The following SLC3A1 variants were observed in gnomAD, a reference collection of about 807,000 sequenced individuals.
SLC3A1 encodes the protein solute carrier family 3 member 1, also known as amino acid transporter heavy chain SLC3A1.
In SLC3A1, 78 loss-of-function variants were observed where a neutral mutation model predicts 60.3. That is an observed-to-expected ratio of 1.29 (90% CI 1.08 to 1.56). The LOEUF is 1.56. Ranked by LOEUF, SLC3A1 falls within the 40% of genes most tolerant of loss-of-function variation. SLC3A1 has a pLI of 0.00. For missense variants in SLC3A1, 1,172 were observed against 858.9 expected (o/e 1.36, Z -4.56); for synonymous variants, 392 against 307.9 (o/e 1.27, Z -2.86).
chr2:44,279,454 G>A (rs1165632884), intron 1 of SLC3A1, among the ~76,000 whole-genome samples: 1 of 152,004 alleles, frequency 6.6e-6, no homozygotes, highest in African/African-American at 2.4e-5. Flanking sequence ...TGCCCCTGGG[G>A]GTCAAGGGCC....
chr2:44,312,845 C>A, intron 8 of SLC3A1, 92 bp downstream of exon 8: 1 of 977,176 alleles, frequency 1.0e-6, no homozygotes, highest in Non-Finnish European at 1.6e-6. Flanking sequence ...TACTATCTCT[C>A]TATTGCATTG....
intron 4 of SLC3A1, among the ~76,000 whole-genome samples, chr2:44,293,520 G>A (rs974961085): frequency 1.3e-5 from 2 of 151,192 alleles, no homozygotes; most frequent in Non-Finnish European, 3.0e-5. Flanking sequence ...CCGTTTTAGG[G>A]GGGAAAAAAA....
At chr2:44,284,920 A>T (rs978289754) in intron 3 of SLC3A1, among the ~76,000 whole-genome samples, 3 of 152,148 alleles carry the variant, frequency 2.0e-5, no homozygotes, top group African/African-American at 4.8e-5. Context: ...TTAATTACTA[A>T]TGATGATGTG....
At chr2:44,276,034 G>C in intron 1 of SLC3A1, 69 bp downstream of exon 1, 1 of 1,426,554 alleles carries the variant, frequency 7.0e-7, no homozygotes, top group South Asian at 1.2e-5. Context: ...TTGTTCTTCA[G>C]AACCAAATTA....
In SLC3A1 at chr2:44,308,727, G is replaced by A. The variant is rs555941156; in HGVS notation, c.1333-3859G>A. Among the ~76,000 whole-genome samples the A allele has an allele frequency of 2.0e-3, 308 of 151,276 alleles. 1 individual carries two copies. Among genetic ancestry groups the A allele is most frequent in the African/African-American group, 7.2e-3 (299 of 41,374 alleles). On this transcript the variant is annotated intron_variant, in intron 7 of 9. Transcript: ENST00000260649. ...TTCTAATAGTTTATTGTGAATTCCT[G>A]AAGAATTTTTTTTTTTTTAATTTGA...
chr2:44,314,709 C>G (rs945023975), intron 9 of SLC3A1: 4 of 152,678 alleles, frequency 2.6e-5, no homozygotes, highest in Non-Finnish European at 5.8e-5. Flanking sequence ...CTCCCTGCTA[C>G]AAGCACCACT....
chr2:44,275,948 G>T lies in SLC3A1; in HGVS notation c.413G>T (p.Gly138Val). ...PRSFKDSNKD[G>V]NGDLKGIQDK... ...TCTTTCAAGGACAGTAACAAGGATG[G>T]GAACGGAGATCTGAAAGGTACATGC... Residue 138 changes from glycine (G) to valine (V), a missense_variant, in exon 1 of 10, where the codon GGG becomes GTG. By Grantham distance (109) the Gly-to-Val change is moderately radical. Coordinates refer to ENST00000260649, the MANE Select transcript of SLC3A1 (RefSeq NM_000341.4). The T allele has an allele frequency of 1.9e-6, 3 of 1,614,162 alleles. No homozygotes were observed. Among genetic ancestry groups the T allele is most frequent in the Middle Eastern group, 1.6e-4 (1 of 6,062 alleles).
Position 44,312,279 on chromosome 2 carries a change from T to G in SLC3A1, c.1333-307T>G, listed in dbSNP as rs148777306. Among the ~76,000 whole-genome samples, 880 of 152,306 alleles carry G rather than the reference T, an allele frequency of 5.8e-3. 7 individuals carry two copies. The highest frequency in any genetic ancestry group is 7.0e-3 in the Non-Finnish European group (475 of 68,020). On this transcript the variant is annotated intron_variant, in intron 7 of 9. Transcript: ENST00000260649. ...CTTGTCTTGCTCTCTGCCACAGTTTTGCTTCCTTTCCTGTCAATATTCTCT... is the reference window on the plus strand; with the variant it reads ...CTTGTCTTGCTCTCTGCCACAGTTTGGCTTCCTTTCCTGTCAATATTCTCT...
intron 7 of SLC3A1, among the ~76,000 whole-genome samples, chr2:44,305,223 C>G (rs1411966664): frequency 6.6e-6 from 1 of 152,094 alleles, no homozygotes; most frequent in Non-Finnish European, 1.5e-5. Flanking sequence ...CCAGTATTCT[C>G]ACTTCCACAC....
At chr2:44,311,320 A>G (rs1672290248) in intron 7 of SLC3A1, among the ~76,000 whole-genome samples, 1 of 152,144 alleles carries the variant, frequency 6.6e-6, no homozygotes, top group Non-Finnish European at 1.5e-5. Flanking sequence ...TTTTCTTTGA[A>G]TATCAAAATA....
chr2:44,309,550 A>T (rs548640979), intron 7 of SLC3A1, among the ~76,000 whole-genome samples: 9 of 152,216 alleles, frequency 5.9e-5, no homozygotes, highest in Admixed American at 1.3e-4. Context: ...CCAGATTTCA[A>T]TTCTTTTGGA....
intron 3 of SLC3A1, among the ~76,000 whole-genome samples, chr2:44,282,242 A>T (rs929895204): frequency 2.6e-5 from 4 of 151,604 alleles, no homozygotes; most frequent in Middle Eastern, 3.2e-3. Flanking sequence ...CCAATTATCT[A>T]TTTTCTTTTT....
intron 4 of SLC3A1, among the ~76,000 whole-genome samples, chr2:44,293,881 G>A (rs1379735646): frequency 6.6e-6 from 1 of 152,142 alleles, no homozygotes; most frequent in Non-Finnish European, 1.5e-5. Flanking sequence ...TGGTAAAGGG[G>A]GAACAATAAT....
chr2:44,292,188 T>C lies in SLC3A1; in HGVS notation c.891+6031T>C, dbSNP rs978643619. Among the ~76,000 whole-genome samples, 9 of 151,984 alleles carry C rather than the reference T, an allele frequency of 5.9e-5. 1 individual carries two copies. In the South Asian group the frequency reaches 1.0e-3, roughly 17 times the overall value. ...TTGGAGTGATCCTACACCTGCCATA[T>C]GGGAATGCTGAGCCCCAGGGTAGGG... On this transcript the variant is annotated intron_variant, in intron 4 of 9. Coordinates refer to ENST00000260649, the MANE Select transcript of SLC3A1 (RefSeq NM_000341.4).
In SLC3A1 at chr2:44,304,250, T is replaced by C. The variant is rs1672094416; in HGVS notation, c.1244T>C (p.Met415Thr). The C allele has an allele frequency of 1.2e-6, 2 of 1,614,138 alleles. No individual in the cohort carries two copies. The highest frequency in any genetic ancestry group is 1.3e-5 in the African/African-American group (1 of 75,070). Residue 415 changes from methionine (M) to threonine (T), a missense_variant, in exon 7 of 10, where the codon ATG (methionine) becomes ACG (threonine). Physicochemically the swap from Met to Thr is moderately conservative, Grantham distance 81. Coordinates refer to ENST00000260649, the MANE Select transcript of SLC3A1 (RefSeq NM_000341.4). ...ADFPFNNYLS[M>T]LDTVSGNSVY... ...TTTCCCTTCAACAATTACCTCAGCA[T>C]GCTAGACACTGTTTCTGGGAACAGC... is the stretch of plus-strand genomic sequence containing the variant.
intron 7 of SLC3A1, among the ~76,000 whole-genome samples, chr2:44,309,019 ACTGTGCCTGGC>A (rs1228662813): frequency 1.3e-5 from 2 of 152,214 alleles, no homozygotes; most frequent in Non-Finnish European, 2.9e-5. Flanking sequence ...GGCGTGAGCT[ACTGTGCCTGGC>A]CTTCTGAGGA....
chr2:44,289,897 C>T (rs182990132), intron 4 of SLC3A1, among the ~76,000 whole-genome samples: 5 of 152,182 alleles, frequency 3.3e-5, no homozygotes, highest in African/African-American at 1.2e-4. Context: ...TCCCAAAGTG[C>T]AGGGATTACA....
intron 4 of SLC3A1, among the ~76,000 whole-genome samples, chr2:44,287,040 C>T (rs974283221): frequency 6.6e-6 from 1 of 152,138 alleles, no homozygotes; most frequent in Non-Finnish European, 1.5e-5. Flanking sequence ...ATGCACGACA[C>T]TTCTGTACTC....
In SLC3A1 at chr2:44,275,906, A is replaced by G. The variant is rs766947722; in HGVS notation, c.371A>G (p.Tyr124Cys). The G allele has an allele frequency of 3.1e-6, 5 of 1,613,870 alleles. No individual in the cohort carries two copies. Among genetic ancestry groups the G allele is most frequent in the Non-Finnish European group, 4.2e-6 (5 of 1,179,952 alleles). Residue 124 changes from tyrosine to cysteine, a missense_variant, in exon 1 of 10, where the codon TAC becomes TGC. Coordinates refer to ENST00000260649, the MANE Select transcript of SLC3A1 (RefSeq NM_000341.4). ...GACTGGTGGCAGGAGGGGCCCATGT[A>G]CCAGATCTACCCAAGGTCTTTCAAG... ...CLDWWQEGPMYQIYPRSFKDS... is the reference protein window; with the variant it reads ...CLDWWQEGPMCQIYPRSFKDS...
Sources: allele counts gnomAD v4.1 joint callset (sites outside exome capture counted in the v4.1 genomes callset), GRCh38; gene constraint gnomAD v4.1.1; transcripts MANE v1.5; gene names NCBI Gene and HGNC (gene_info 2026-07-23, HGNC 2026-07-21).